The following DCAF4 variants were observed in gnomAD, a reference collection of about 807,000 sequenced individuals.
DCAF4 encodes the protein DDB1 and CUL4 associated factor 4, also known as DDB1- and CUL4-associated factor 4.
Under a neutral mutation model 60.9 loss-of-function variants are expected in DCAF4, and 37 were observed. The ratio of observed to expected loss-of-function variants is 0.61; its 90% CI spans 0.47 to 0.80. The LOEUF (loss-of-function observed/expected upper bound fraction) is 0.80, where lower values mean the gene tolerates loss of function less well. Ranked by LOEUF, DCAF4 falls within the 30% of genes least tolerant of loss-of-function variation. The probability of loss-of-function intolerance (pLI) is 0.00; values close to 1 mark genes in which losing one functional copy is unlikely to be tolerated. For synonymous variants in DCAF4, 243 were observed against 254.8 expected (o/e 0.95, Z 0.44); for missense variants, 577 against 650.0 (o/e 0.89, Z 1.22).
chr14:72,935,343 C>A (rs1183901139), intron 1 of DCAF4, among the ~76,000 whole-genome samples: 1 of 152,076 alleles, frequency 6.6e-6, no homozygotes, highest in Non-Finnish European at 1.5e-5. Flanking sequence ...CAACCTCCGC[C>A]ACCTGGGTTC....
chr14:72,929,854 T>G (rs1263468007), intron 1 of DCAF4: 1 of 1,470,888 alleles, frequency 6.8e-7, no homozygotes, highest in East Asian at 2.3e-5. Context: ...GCGGCGGCTG[T>G]GCCTGGGCTT....
chr14:72,928,195 T>TTTTTTTTTTTTTTTTTTTTTG, intron 1 of DCAF4, among the ~76,000 whole-genome samples: 1 of 136,406 alleles, frequency 7.3e-6, no homozygotes, highest in Non-Finnish European at 1.6e-5. Flanking sequence ...CACTTTTTTT[T>TTTTTTTTTTTTTTTTTTTTTG]TTTTTTTTTT....
chr14:72,934,609 T>G (rs1474671369), intron 1 of DCAF4, among the ~76,000 whole-genome samples: 2 of 152,134 alleles, frequency 1.3e-5, no homozygotes, highest in Non-Finnish European at 2.9e-5. Flanking sequence ...TTTTCATTCT[T>G]CAGACTGCAC....
In DCAF4 at chr14:72,951,669, T is replaced by C. The variant is rs11851332; in HGVS notation, c.729-129T>C. On this transcript the variant is annotated intron_variant, in intron 8 of 13. Coordinates refer to ENST00000358377, the MANE Select transcript of DCAF4 (RefSeq NM_015604.4). ...GGTAAATGTGGGCAGTGTAAACGCA[T>C]GTTGAATCTGGACGGTGGGGGTTAC... 2,268 of 765,020 alleles carry C rather than the reference T, an allele frequency of 3.0e-3. 32 individuals are homozygous for C. The African/African-American group carries it at 0.035, about 12-fold the overall frequency. 47.4% of individuals were successfully genotyped at this position (765,020 alleles called of 1,614,324 possible).
In DCAF4 at chr14:72,941,908, G is replaced by A; in HGVS notation, c.431+84G>A. 3.4e-6 allele frequency: 5 copies of A among 1,451,560 alleles called. No individual in the cohort carries two copies. In the South Asian group the frequency reaches 4.8e-5, roughly 14 times the overall value. The allele number at this position is 1,451,560 out of a possible 1,614,324, so 89.9% of individuals were successfully genotyped here. A position where few individuals can be genotyped will look rare whatever the true frequency, so the allele number is the denominator to read the frequency against. ...TTTCATGGTATAAGAATCCAGTCTG[G>A]ATAGACCATGTGGCTACCCCGTGAA... On this transcript the variant is annotated intron_variant, in intron 5 of 13. Transcript: ENST00000358377.
intron 1 of DCAF4, among the ~76,000 whole-genome samples, chr14:72,927,353 T>C (rs1887727434): frequency 1.9e-5 from 1 of 51,504 alleles, no homozygotes. Context: ...CTTTTTTTTT[T>C]TTTTTTTTTT....
chr14:72,955,718 C>G lies in DCAF4; in HGVS notation c.1179+22C>G, dbSNP rs1892185398. 9 of 1,603,244 alleles carry G rather than the reference C, an allele frequency of 5.6e-6. No individual in the cohort carries two copies. The East Asian group carries it at 2.0e-4, about 36-fold the overall frequency. On this transcript the variant is annotated intron_variant, in intron 12 of 13. Transcript: ENST00000358377. The stretch of plus-strand genomic sequence containing the variant: ...AAAGGTAGGGGATCATGGACTTTCT[C>G]AGGCCACAGGGTCTCGTGGCCCAGT...
intron 6 of DCAF4, among the ~76,000 whole-genome samples, chr14:72,945,179 G>A (rs1337679638): frequency 6.6e-6 from 1 of 152,062 alleles, no homozygotes; most frequent in Non-Finnish European, 1.5e-5. Context: ...GATCACTTGA[G>A]GCCAGAAGTT....
At chr14:72,941,148 T>C (rs11621489) in intron 4 of DCAF4, among the ~76,000 whole-genome samples, 30,094 of 151,736 alleles carry the variant, frequency 0.2, 3,706 homozygotes, top group East Asian at 0.43. Context: ...ATTTTTTTTA[T>C]AGAGATGGAG....
chr14:72,932,399 G>A (rs2140192173), intron 1 of DCAF4, among the ~76,000 whole-genome samples: 1 of 152,320 alleles, frequency 6.6e-6, no homozygotes, highest in African/African-American at 2.4e-5. Context: ...AATCATTTTT[G>A]TAGGAGCAGT....
At chr14:72,939,374 G>A (rs1337543313) in intron 2 of DCAF4, among the ~76,000 whole-genome samples, 3 of 152,168 alleles carry the variant, frequency 2.0e-5, no homozygotes, top group Non-Finnish European at 2.9e-5. Flanking sequence ...GTAAGATTGT[G>A]TAGTCAAGTA....
intron 9 of DCAF4, among the ~76,000 whole-genome samples, chr14:72,952,992 CTTTT>C (rs34917327): frequency 2.4e-5 from 1 of 41,594 alleles, no homozygotes; most frequent in Admixed American, 3.7e-4. Context: ...AATGCCCGGC[CTTTT>C]TTTTTTTTTT....
At chr14:72,942,967 C>T (rs772756697) in intron 5 of DCAF4, 27 bp from the exon 6 acceptor site, 1 of 1,609,246 alleles carries the variant, frequency 6.2e-7, no homozygotes, top group East Asian at 2.2e-5. Flanking sequence ...GCTTCAGCAT[C>T]CATGCCCCCA....
downstream of DCAF4, chr14:72,962,047 G>A: frequency 9.4e-7 from 1 of 1,061,354 alleles, no homozygotes. Flanking sequence ...TAAGACAGAT[G>A]TTTAGGTGAA....
rs61988544 is a variant in DCAF4, at chr14:72,930,529, A to G, written c.-9+3986A>G. ...AGTGATCCGCCAGTCCCAGCCTCCC[A>G]AAGTGCTGGGATTACAGGCGTGAGC... is the stretch of plus-strand genomic sequence containing the variant. On this transcript the variant is annotated intron_variant, in intron 1 of 13. Transcript: ENST00000358377. Among the ~76,000 whole-genome samples the G allele has an allele frequency of 1.4e-3, 217 of 152,324 alleles. 1 individual carries two copies. The highest frequency in any genetic ancestry group is 2.7e-3 in the Admixed American group (42 of 15,300).
intron 1 of DCAF4, among the ~76,000 whole-genome samples, chr14:72,937,001 T>TG (rs147775635): frequency 0.023 from 3,527 of 152,228 alleles, 136 homozygotes; most frequent in African/African-American, 0.081. Flanking sequence ...GGCAAGTAGG[T>TG]AATCAATAGC....
chr14:72,959,934 T>TCCA (rs1293984219), downstream of DCAF4, among the ~76,000 whole-genome samples: 1 of 152,166 alleles, frequency 6.6e-6, no homozygotes, highest in Non-Finnish European at 1.5e-5. Flanking sequence ...TCCCTTCTGG[T>TCCA]TGGGCTGTGG....
chr14:72,930,119 A>T (rs1039042345), intron 1 of DCAF4, among the ~76,000 whole-genome samples: 8 of 152,212 alleles, frequency 5.3e-5, no homozygotes, highest in Non-Finnish European at 1.2e-4. Context: ...GGGGGGTAGG[A>T]GGGAATAAGT....
intron 11 of DCAF4, among the ~76,000 whole-genome samples, chr14:72,955,150 G>A (rs997890067): frequency 3.3e-5 from 5 of 151,550 alleles, no homozygotes; most frequent in Non-Finnish European, 5.9e-5. Context: ...ATATTTCACA[G>A]ACTTTTCTCT....
Sources: allele counts gnomAD v4.1 joint callset (sites outside exome capture counted in the v4.1 genomes callset), GRCh38; gene constraint gnomAD v4.1.1; transcripts MANE v1.5; gene names NCBI Gene and HGNC (gene_info 2026-07-23, HGNC 2026-07-21).